Variants in EPS8 observed in about 807,000 individuals in gnomAD.
The protein encoded by EPS8 is EGFR pathway substrate 8, signaling adaptor.
Under a neutral mutation model 103.8 loss-of-function variants are expected in EPS8, and 42 were observed. That is an observed-to-expected ratio of 0.40 (90% CI 0.32 to 0.52). The LOEUF (loss-of-function observed/expected upper bound fraction) is 0.52. Among genes scored for constraint, EPS8 ranks in the 20% least tolerant of loss-of-function variants. The probability of loss-of-function intolerance (pLI) is 0.40; values close to 1 mark genes in which losing one functional copy is unlikely to be tolerated. For missense variants in EPS8, 969 were observed against 1,005.1 expected, an observed-to-expected ratio of 0.96 and a Z score of 0.49; for synonymous variants, 344 against 344.6, an observed-to-expected ratio of 1.00 and a Z score of 0.02.
intron 18 of EPS8, among the ~76,000 whole-genome samples, chr12:15,630,198 T>A (rs1008276216): frequency 5.4e-4 from 40 of 74,732 alleles, no homozygotes; most frequent in East Asian, 1.4e-3. Context: ...TCTATCTCTC[T>A]CTCACTCACA....
intron 18 of EPS8, among the ~76,000 whole-genome samples, chr12:15,630,933 C>T (rs1310289886): frequency 5.3e-5 from 8 of 152,072 alleles, no homozygotes; most frequent in Admixed American, 3.3e-4. Flanking sequence ...GTTTTGACAA[C>T]CAAAAATGTC....
In EPS8 at chr12:15,738,005, T is replaced by C. The variant is rs1187306496; in HGVS notation, c.-22+51156A>G. Among the ~76,000 whole-genome samples, 1 of 151,968 alleles carries C rather than the reference T, an allele frequency of 6.6e-6. No homozygotes were observed. Among genetic ancestry groups the C allele is most frequent in the Non-Finnish European group, 1.5e-5 (1 of 67,994 alleles). Reference sequence around the variant, plus strand: ...TCCACTTTTTATACAAACTTTAAAATTAGCTAAACAAATAGTAAATGAGGG... The same window carrying C: ...TCCACTTTTTATACAAACTTTAAAACTAGCTAAACAAATAGTAAATGAGGG... On this transcript the variant is annotated intron_variant, in intron 1 of 20. Transcript: ENST00000281172. This position sits in a 1 kb window ranked among gnomAD's most constrained non-coding sequence, Gnocchi z 6.2.
intron 12 of EPS8, among the ~76,000 whole-genome samples, chr12:15,655,590 T>G: frequency 6.6e-6 from 1 of 152,096 alleles, no homozygotes; most frequent in Non-Finnish European, 1.5e-5. Context: ...ATTTTTAACT[T>G]CCAACCTCGA....
Position 15,654,128 on chromosome 12 carries a change from A to G in EPS8, c.1250+17T>C, listed in dbSNP as rs979099234. 34 of 1,610,006 alleles carry G rather than the reference A, an allele frequency of 2.1e-5. No individual in the cohort carries two copies. The highest frequency in any genetic ancestry group is 2.7e-5 in the Non-Finnish European group (32 of 1,176,504). On this transcript the variant is annotated intron_variant, in intron 13 of 20. Coordinates refer to ENST00000281172, the MANE Select transcript of EPS8 (RefSeq NM_004447.6). ...CAAAGAATGGTACTTAAGGCATTATAGGTGGTAAATGCTTACCTGGCTTTC... is the reference window on the plus strand; with the variant it reads ...CAAAGAATGGTACTTAAGGCATTATGGGTGGTAAATGCTTACCTGGCTTTC...
rs1192196875 is a variant in EPS8 at position 15,757,181 on chromosome 12, T to G, written c.-22+31980A>C. Among the ~76,000 whole-genome samples the G allele has an allele frequency of 1.3e-5, 2 of 152,186 alleles. No homozygotes were observed. Among genetic ancestry groups the G allele is most frequent in the African/African-American group, 4.8e-5 (2 of 41,446 alleles). On this transcript the variant is annotated intron_variant, in intron 1 of 20. Coordinates refer to ENST00000281172, the MANE Select transcript of EPS8 (RefSeq NM_004447.6). The surrounding 1 kb of genome is among the most constrained non-coding windows in gnomAD (Gnocchi z 4.1). ...TACAAAATGGAGAGACTGAATAAAA[T>G]GATTTCTAAAATTGTTACCATTTTA...
At chr12:15,686,673 C>T (rs1946100365) in intron 1 of EPS8, among the ~76,000 whole-genome samples, 1 of 152,072 alleles carries the variant, frequency 6.6e-6, no homozygotes, top group African/African-American at 2.4e-5. Context: ...GTTAACTCAG[C>T]AAATTAAATT....
At chr12:15,742,360 T>A (rs1465811112) in intron 1 of EPS8, among the ~76,000 whole-genome samples, 1 of 152,210 alleles carries the variant, frequency 6.6e-6, no homozygotes, top group Non-Finnish European at 1.5e-5. Flanking sequence ...TTTCTCCACA[T>A]CCTCTCCAGC....
At chr12:15,650,015 G>A (rs1372877005) in intron 14 of EPS8, among the ~76,000 whole-genome samples, 2 of 152,130 alleles carry the variant, frequency 1.3e-5, no homozygotes, top group African/African-American at 4.8e-5. Context: ...GTTTGGTCCA[G>A]CTTTAATCAA....
intron 13 of EPS8, among the ~76,000 whole-genome samples, chr12:15,652,694 A>G (rs951768200): frequency 2.0e-5 from 3 of 152,196 alleles, no homozygotes; most frequent in African/African-American, 7.2e-5. Context: ...AATAATATAA[A>G]TAAATGTAAA....
intron 1 of EPS8, among the ~76,000 whole-genome samples, chr12:15,743,216 G>A (rs963482284): frequency 2.0e-5 from 3 of 152,146 alleles, no homozygotes; most frequent in African/African-American, 7.2e-5. Context: ...GGATGTGAAG[G>A]ACCTCTTCAA....
rs1260962177 is a variant in EPS8 at position 15,748,266 on chromosome 12, G to A, written c.-22+40895C>T. ...TAATGTAAAATGTTTTGAAAACTTC[G>A]AAATTCTTCACAAATATCAATTAAA... On this transcript the variant is annotated intron_variant, in intron 1 of 20. Transcript: ENST00000281172. The surrounding 1 kb of genome is among the most constrained non-coding windows in gnomAD (Gnocchi z 4.8). 2.6e-5 allele frequency among the ~76,000 whole-genome samples: 4 copies of A among 152,022 alleles called. No individual in the cohort carries two copies. Among genetic ancestry groups the A allele is most frequent in the Non-Finnish European group, 2.9e-5 (2 of 68,022 alleles).
intron 1 of EPS8, among the ~76,000 whole-genome samples, chr12:15,756,493 T>TA (rs1230693313): frequency 6.6e-6 from 1 of 152,194 alleles, no homozygotes; most frequent in African/African-American, 2.4e-5. Context: ...AGAAAAACTT[T>TA]AAAGGCTCTA....
At chr12:15,668,065 A>G (rs903101325) in intron 6 of EPS8, among the ~76,000 whole-genome samples, 2 of 152,176 alleles carry the variant, frequency 1.3e-5, no homozygotes, top group Admixed American at 6.5e-5. Context: ...TTTGAATTAA[A>G]TTTCACTATA....
At position 15,623,203 on chromosome 12, in the gene EPS8, C is replaced by T. The variant is rs1591795197; in HGVS notation, c.2310G>A (p.Gly770=). The change falls in exon 20 of 21, where the codon GGG becomes GGA. Residue 770 remains glycine, a synonymous_variant. Transcript: ENST00000281172. ...CAGTGATTTGGCTATAGACTCTCGC[C>T]CCTTCAGGGCAGACTGTCCTCAGTT... ...KDELRTVCPE[G]ARVYSQITVQ... The T allele has an allele frequency of 9.3e-6, 15 of 1,613,402 alleles. No homozygotes were observed. The highest frequency in any genetic ancestry group is 1.3e-5 in the Non-Finnish European group (15 of 1,179,692).
chr12:15,669,277 G>C, intron 6 of EPS8, 110 bp downstream of exon 6: 1 of 945,628 alleles, frequency 1.1e-6, no homozygotes, highest in South Asian at 2.1e-5. Flanking sequence ...GAGATGCTCA[G>C]AAACTAAAAA....
At position 15,697,692 on chromosome 12, in the gene EPS8, T is replaced by G. The variant is rs1036655079; in HGVS notation, c.-21-14720A>C. Among the ~76,000 whole-genome samples the G allele has an allele frequency of 1.3e-5, 2 of 152,174 alleles. No individual in the cohort carries two copies. The highest frequency in any genetic ancestry group is 4.8e-5 in the African/African-American group (2 of 41,432). Reference sequence around the variant, plus strand: ...GACCTCTAAAAAGAACTACATGGATTTTTTTCTTCTTTTGCCAAAAATTAC... The same window carrying G: ...GACCTCTAAAAAGAACTACATGGATGTTTTTCTTCTTTTGCCAAAAATTAC... On this transcript the variant is annotated intron_variant, in intron 1 of 20. Transcript: ENST00000281172. The surrounding 1 kb of genome is among the most constrained non-coding windows in gnomAD (Gnocchi z 5.6).
At chr12:15,768,415 A>G (rs1317025616) in intron 1 of EPS8, among the ~76,000 whole-genome samples, 2 of 143,874 alleles carry the variant, frequency 1.4e-5, no homozygotes, top group African/African-American at 5.2e-5. Flanking sequence ...TCTAGCCTGC[A>G]AGAGACTCCA....
At chr12:15,692,811 C>T (rs1946192853) in intron 1 of EPS8, among the ~76,000 whole-genome samples, 1 of 151,766 alleles carries the variant, frequency 6.6e-6, no homozygotes, top group African/African-American at 2.4e-5. Context: ...CTTATTTCTT[C>T]TATCAGTTCC....
At chr12:15,744,362 C>A (rs1421764771) in intron 1 of EPS8, among the ~76,000 whole-genome samples, 1 of 152,116 alleles carries the variant, frequency 6.6e-6, no homozygotes, top group Non-Finnish European at 1.5e-5. Flanking sequence ...TTAATTGGTC[C>A]TTCAAAGAAA....
Sources: gnomAD v4.1 joint callset for allele counts (sites outside exome capture counted in the v4.1 genomes callset) on GRCh38, gnomAD v4.1.1 for gene constraint, Gnocchi (gnomAD v3.1) non-coding constraint, MANE v1.5 for transcripts, NCBI Gene and HGNC (gene_info 2026-07-23, HGNC 2026-07-21) for gene names.